Variants in TNNI3K observed in about 807,000 individuals in gnomAD.
The protein encoded by TNNI3K is serine/threonine-protein kinase TNNI3K.
TNNI3K carries 140 observed loss-of-function variants against 114.5 expected under a neutral mutation model. That is an observed-to-expected ratio of 1.22 (90% CI 1.07 to 1.41). The LOEUF (loss-of-function observed/expected upper bound fraction) is 1.41. Among genes scored for constraint, TNNI3K ranks in the 40% most tolerant of loss-of-function variants. TNNI3K has a pLI of 0.00. For synonymous variants in TNNI3K, 347 were observed against 347.5 expected (o/e 1.00, Z 0.02); for missense variants, 1,125 against 1,007.6 (o/e 1.12, Z -1.58).
At chr1:74,501,810 C>A (rs924854882) in intron 23 of TNNI3K, among the ~76,000 whole-genome samples, 2 of 151,858 alleles carry the variant, frequency 1.3e-5, no homozygotes, top group Non-Finnish European at 2.9e-5. Flanking sequence ...TCATAGAACA[C>A]GTGTAGTAAT....
intron 7 of TNNI3K, among the ~76,000 whole-genome samples, chr1:74,342,335 A>C (rs1163817015): frequency 1.3e-5 from 2 of 152,168 alleles, no homozygotes; most frequent in African/African-American, 2.4e-5. Context: ...CATGCTTTGC[A>C]TACTGTAGTA....
At chr1:74,517,153 G>A (rs1229633781) in intron 23 of TNNI3K, among the ~76,000 whole-genome samples, 1 of 151,966 alleles carries the variant, frequency 6.6e-6, no homozygotes, top group Non-Finnish European at 1.5e-5. Flanking sequence ...ACACCTGTGG[G>A]CACTTTCTAT....
At chr1:74,513,582 C>G (rs1400699486) in intron 23 of TNNI3K, among the ~76,000 whole-genome samples, 1 of 152,192 alleles carries the variant, frequency 6.6e-6, no homozygotes, top group Non-Finnish European at 1.5e-5. Context: ...AAATCTGCTT[C>G]ATCCAGAGGC....
chr1:74,444,129 A>G (rs990416780), intron 20 of TNNI3K, among the ~76,000 whole-genome samples: 1 of 152,106 alleles, frequency 6.6e-6, no homozygotes, highest in South Asian at 2.1e-4. Context: ...TCATTACTCC[A>G]TTCAACATCG....
At chr1:74,453,116 A>G (rs1401157985) in intron 20 of TNNI3K, among the ~76,000 whole-genome samples, 1 of 152,178 alleles carries the variant, frequency 6.6e-6, no homozygotes, top group Non-Finnish European at 1.5e-5. Context: ...CTAATTATAA[A>G]CTAAATACTT....
rs200254775 is a variant in TNNI3K, at chr1:74,370,379, C to G, written c.1759C>G (p.Arg587Gly). 2 of 1,605,250 alleles carry G rather than the reference C, an allele frequency of 1.2e-6. No individual in the cohort carries two copies. Among genetic ancestry groups the G allele is most frequent in the African/African-American group, 1.3e-5 (1 of 74,478 alleles). ...CAACCTGACACAGCCAATTATACAT[C>G]GTGACTTGAACAGGTATTTTTTTCC... ...LHNLTQPIIHRDLNSHNILLY... is the reference protein window; with the variant it reads ...LHNLTQPIIHGDLNSHNILLY... Residue 587 changes from arginine to glycine, a missense_variant, in exon 17 of 25, where the codon CGT (arginine) becomes GGT (glycine). Physicochemically the swap from Arg to Gly is moderately radical, Grantham distance 125. Coordinates refer to ENST00000326637, the MANE Select transcript of TNNI3K (RefSeq NM_015978.3).
At chr1:74,284,731 A>G (rs112190601) in intron 5 of TNNI3K, among the ~76,000 whole-genome samples, 2,789 of 152,318 alleles carry the variant, frequency 0.018, 87 homozygotes, top group African/African-American at 0.064. Flanking sequence ...CAGAGGTTGC[A>G]CATTTTTTTG....
chr1:74,494,070 G>A (rs1273651093), intron 23 of TNNI3K, among the ~76,000 whole-genome samples: 1 of 152,092 alleles, frequency 6.6e-6, no homozygotes, highest in Non-Finnish European at 1.5e-5. Flanking sequence ...CCTGAAGAGT[G>A]CATACTTTCC....
At chr1:74,269,672 A>G (rs922760523) in intron 4 of TNNI3K, among the ~76,000 whole-genome samples, 1 of 152,056 alleles carries the variant, frequency 6.6e-6, no homozygotes. Context: ...AAGGAATGTT[A>G]GATGACAAGT....
intron 20 of TNNI3K, among the ~76,000 whole-genome samples, chr1:74,444,031 T>A (rs1263911279): frequency 6.6e-6 from 1 of 152,212 alleles, no homozygotes; most frequent in East Asian, 1.9e-4. Flanking sequence ...GAGCCATTTA[T>A]GACATACCCA....
intron 5 of TNNI3K, among the ~76,000 whole-genome samples, chr1:74,304,173 A>G (rs1553129212): frequency 6.6e-6 from 1 of 152,228 alleles, no homozygotes; most frequent in Non-Finnish European, 1.5e-5. Flanking sequence ...ATTGACCCAA[A>G]TTTTGAAAGA....
rs10633137 is a variant in TNNI3K at position 74,297,522 on chromosome 1, CGTGT to C, written c.444+25843_444+25846del. ...TGGCATCTTGTCCAGTGTGTGTGTG[CGTGT>C]GTGTGTGTGTGTGTGTGTGTGTGTG... is the stretch of plus-strand genomic sequence containing the variant. On this transcript the variant is annotated intron_variant, in intron 5 of 24. Coordinates refer to ENST00000326637, the MANE Select transcript of TNNI3K (RefSeq NM_015978.3). Among the ~76,000 whole-genome samples the C allele has an allele frequency of 1.8e-3, 265 of 145,446 alleles. 2 individuals are homozygous for C. The highest frequency in any genetic ancestry group is 0.017 in the South Asian group (77 of 4,438).
chr1:74,276,994 C>T (rs1416054745), intron 5 of TNNI3K, among the ~76,000 whole-genome samples: 2 of 152,152 alleles, frequency 1.3e-5, no homozygotes, highest in African/African-American at 2.4e-5. Context: ...TCTATCAATA[C>T]ATTTGCATAT....
intron 21 of TNNI3K, among the ~76,000 whole-genome samples, chr1:74,485,229 G>A (rs1039313219): frequency 6.6e-6 from 1 of 152,208 alleles, no homozygotes; most frequent in Middle Eastern, 3.2e-3. Flanking sequence ...TAGCTCTTGA[G>A]TTGGGCCTTG....
At chr1:74,504,414 C>T (rs926471661) in intron 23 of TNNI3K, among the ~76,000 whole-genome samples, 23 of 152,084 alleles carry the variant, frequency 1.5e-4, no homozygotes, top group African/African-American at 4.1e-4. Flanking sequence ...GACTTCACGC[C>T]GAACAAAGGT....
At chr1:74,261,974 G>A (rs1004777996) in intron 4 of TNNI3K, among the ~76,000 whole-genome samples, 2 of 152,018 alleles carry the variant, frequency 1.3e-5, no homozygotes, top group South Asian at 2.1e-4. Flanking sequence ...TTTTTGCTAC[G>A]TAACTGTGCC....
chr1:74,288,538 G>A (rs146604428), intron 5 of TNNI3K, among the ~76,000 whole-genome samples: 37 of 152,164 alleles, frequency 2.4e-4, no homozygotes, highest in East Asian at 7.7e-4. Context: ...AATGCTTCAT[G>A]ATCTCACTTA....
chr1:74,543,064 CTTTTTTTTTTTTTT>C (rs60688934), intron 24 of TNNI3K, among the ~76,000 whole-genome samples: 1 of 6,750 alleles, frequency 1.5e-4, no homozygotes, highest in Non-Finnish European at 3.6e-4. Flanking sequence ...TTCTTTTTCC[CTTTTTTTTTTTTTT>C]TTTTTTTTTT....
At chr1:74,314,050 TATATATATA>T in intron 5 of TNNI3K, among the ~76,000 whole-genome samples, 1 of 43,708 alleles carries the variant, frequency 2.3e-5, no homozygotes, top group East Asian at 7.9e-4. Context: ...GTTCATTATA[TATATATATA>T]TATATATATA....
Sources: gnomAD v4.1 joint callset for allele counts (sites outside exome capture counted in the v4.1 genomes callset) on GRCh38, gnomAD v4.1.1 for gene constraint, MANE v1.5 for transcripts, NCBI Gene and HGNC (gene_info 2026-07-23, HGNC 2026-07-21) for gene names.